Variants in PPARGC1A observed in about 807,000 individuals in gnomAD.
The protein encoded by PPARGC1A is PPARG coactivator 1 alpha.
In PPARGC1A, 25 loss-of-function variants were observed where a neutral mutation model predicts 88.7. The ratio of observed to expected loss-of-function variants is 0.28; its 90% CI spans 0.21 to 0.39. PPARGC1A has a LOEUF of 0.39. Among genes scored for constraint, PPARGC1A ranks in the 10% least tolerant of loss-of-function variants. The pLI is 1.00. For synonymous variants in PPARGC1A, 363 were observed against 355.6 expected, an observed-to-expected ratio of 1.02 and a Z score of -0.24; for missense variants, 880 against 968.7, an observed-to-expected ratio of 0.91 and a Z score of 1.22.
At chr4:23,851,183 C>G (rs1434238955) in intron 2 of PPARGC1A, among the ~76,000 whole-genome samples, 1 of 152,170 alleles carries the variant, frequency 6.6e-6, no homozygotes, top group Non-Finnish European at 1.5e-5. Context: ...AAATAATTCT[C>G]ATTTTGCAAT....
At chr4:24,231,346 C>A in the PPARGC1A span, among the ~76,000 whole-genome samples, 112,526 of 152,034 alleles carry the variant, frequency 0.74, 42,217 homozygotes, top group East Asian at 0.94. Context: ...TTTTGTGACG[C>A]AAGGGTAGCT....
At chr4:24,351,007 A>G in the PPARGC1A span, among the ~76,000 whole-genome samples, 1 of 151,728 alleles carries the variant, frequency 6.6e-6, no homozygotes, top group Non-Finnish European at 1.5e-5. Context: ...TGGGGGGTGG[A>G]TCACTTTGAG....
At chr4:24,018,325 A>G in the PPARGC1A span, among the ~76,000 whole-genome samples, 1 of 152,102 alleles carries the variant, frequency 6.6e-6, no homozygotes, top group Non-Finnish European at 1.5e-5. Flanking sequence ...ACAGTCAGTA[A>G]AAGTGTTTAA....
the PPARGC1A span, among the ~76,000 whole-genome samples, chr4:24,040,037 A>G: frequency 2.0e-5 from 3 of 152,234 alleles, no homozygotes; most frequent in Non-Finnish European, 4.4e-5. Flanking sequence ...CATCCTGAAG[A>G]CAGTATACAT....
the PPARGC1A span, among the ~76,000 whole-genome samples, chr4:24,054,797 T>G: frequency 2.0e-5 from 3 of 152,202 alleles, no homozygotes; most frequent in South Asian, 6.2e-4. Context: ...AGGATATATC[T>G]GAATACAAGA....
chr4:23,922,005 A>G, the PPARGC1A span, among the ~76,000 whole-genome samples: 3 of 152,358 alleles, frequency 2.0e-5, no homozygotes, highest in South Asian at 4.1e-4. Context: ...TTTACTGAAT[A>G]TGCACAATGT....
At chr4:24,162,311 C>T in the PPARGC1A span, among the ~76,000 whole-genome samples, 1 of 152,092 alleles carries the variant, frequency 6.6e-6, no homozygotes, top group African/African-American at 2.4e-5. Flanking sequence ...CAAATCACTA[C>T]TGAAGAAATT....
At chr4:23,813,192 G>A (rs1269650450) in intron 8 of PPARGC1A, 67 bp from the exon 9 acceptor site, 1 of 1,320,068 alleles carries the variant, frequency 7.6e-7, no homozygotes, top group Non-Finnish European at 1.1e-6. Context: ...TATCGGCACT[G>A]TGGAGCATCC....
At chr4:24,112,821 GA>G in the PPARGC1A span, among the ~76,000 whole-genome samples, 6 of 152,054 alleles carry the variant, frequency 3.9e-5, no homozygotes, top group Admixed American at 3.3e-4. Context: ...AAAGAACGTC[GA>G]GACCCATCTC....
chr4:24,183,942 C>T, the PPARGC1A span, among the ~76,000 whole-genome samples: 15 of 152,270 alleles, frequency 9.9e-5, no homozygotes, highest in East Asian at 2.7e-3. Context: ...GGTGTGAAAA[C>T]GCTTGCTTTC....
At chr4:23,915,815 C>A in the PPARGC1A span, among the ~76,000 whole-genome samples, 1 of 152,142 alleles carries the variant, frequency 6.6e-6, no homozygotes, top group Non-Finnish European at 1.5e-5. Flanking sequence ...TCATGACCAG[C>A]ATAAAATAAA....
At chr4:24,274,592 C>T in the PPARGC1A span, among the ~76,000 whole-genome samples, 1 of 152,180 alleles carries the variant, frequency 6.6e-6, no homozygotes, top group South Asian at 2.1e-4. Context: ...TGAAGCATTA[C>T]TCCTCCTCTG....
the PPARGC1A span, among the ~76,000 whole-genome samples, chr4:24,306,631 C>G: frequency 6.6e-6 from 1 of 152,222 alleles, no homozygotes. Flanking sequence ...TACACAGTTG[C>G]AGCTACTCAA....
At chr4:23,802,972 CA>C (rs1234046617) in intron 10 of PPARGC1A, among the ~76,000 whole-genome samples, 14 of 151,948 alleles carry the variant, frequency 9.2e-5, no homozygotes, top group African/African-American at 3.4e-4. Flanking sequence ...ATTCTTTTTT[CA>C]AATCATGGAA....
the PPARGC1A span, among the ~76,000 whole-genome samples, chr4:23,976,409 T>C: frequency 8.5e-5 from 13 of 152,200 alleles, no homozygotes; most frequent in African/African-American, 3.1e-4. Context: ...AAGAGATCCC[T>C]CTTGGAAGTG....
chr4:24,439,221 A>G, the PPARGC1A span, among the ~76,000 whole-genome samples: 42 of 152,268 alleles, frequency 2.8e-4, no homozygotes, highest in African/African-American at 1.0e-3. Context: ...CTGATGCAAT[A>G]ATGGCTTTCC....
the PPARGC1A span, among the ~76,000 whole-genome samples, chr4:24,211,814 A>G: frequency 2.6e-5 from 4 of 152,328 alleles, no homozygotes; most frequent in South Asian, 6.2e-4. Flanking sequence ...CAAAACAATA[A>G]TAAGTATATG....
At chr4:24,254,342 C>G in the PPARGC1A span, among the ~76,000 whole-genome samples, 28 of 152,226 alleles carry the variant, frequency 1.8e-4, no homozygotes, top group African/African-American at 6.5e-4. Flanking sequence ...GGTTTGAACC[C>G]AAGTAGCCCA....
At chr4:24,390,300 A>C in the PPARGC1A span, among the ~76,000 whole-genome samples, 7 of 152,108 alleles carry the variant, frequency 4.6e-5, no homozygotes, top group African/African-American at 1.7e-4. Flanking sequence ...CTTGTAACAA[A>C]AATGGTAGAA....
Sources: gnomAD v4.1 joint callset for allele counts (sites outside exome capture counted in the v4.1 genomes callset) on GRCh38, gnomAD v4.1.1 for gene constraint, MANE v1.5 for transcripts, NCBI Gene and HGNC (gene_info 2026-07-23, HGNC 2026-07-21) for gene names.